Variants in TSPAN16 observed in about 807,000 individuals in gnomAD.
TSPAN16 encodes the protein tetraspanin 16.
In TSPAN16, 23 loss-of-function variants were observed where a neutral mutation model predicts 25.2. The observed-to-expected ratio is 0.91, with a 90% CI of 0.66 to 1.29. TSPAN16 has a LOEUF of 1.29. Ranked by LOEUF, TSPAN16 falls within the 50% of genes most tolerant of loss-of-function variation. TSPAN16 has a pLI of 0.00. For missense variants in TSPAN16, 272 were observed against 299.9 expected (o/e 0.91, Z 0.69); for synonymous variants, 123 against 124.4 (o/e 0.99, Z 0.08).
chr19:11,313,408 C>T (rs2080714018), intron 6 of TSPAN16, among the ~76,000 whole-genome samples: 1 of 151,314 alleles, frequency 6.6e-6, no homozygotes, highest in African/African-American at 2.4e-5. Context: ...GCTGAGATTA[C>T]AGCTGGGATT....
Position 11,308,033 on chromosome 19 carries a change from G to A in TSPAN16, c.603+1277G>A, listed in dbSNP as rs2080648784. The stretch of plus-strand genomic sequence containing the variant: ...AAGTGATCATCCTAGCGGGAGTGAG[G>A]GCCAGCCACGTGATGGAGCACTCAC... On this transcript the variant is annotated intron_variant, in intron 5 of 6. Coordinates refer to ENST00000590327, the MANE Select transcript of TSPAN16 (RefSeq NM_001282509.2). 2 of 152,136 alleles carry A rather than the reference G, an allele frequency of 1.3e-5. 1 individual carries two copies. Among genetic ancestry groups the A allele is most frequent in the South Asian group, 4.1e-4 (2 of 4,828 alleles). The allele number at this position is 152,136 out of a possible 1,614,324, so 9.4% of individuals were successfully genotyped here.
downstream of TSPAN16, among the ~76,000 whole-genome samples, chr19:11,317,807 A>C (rs1266333358): frequency 1.3e-5 from 2 of 149,170 alleles, no homozygotes; most frequent in African/African-American, 2.5e-5. Flanking sequence ...TGGGCGACAG[A>C]GCAATACACT....
intron 5 of TSPAN16, among the ~76,000 whole-genome samples, chr19:11,310,705 C>T (rs772986874): frequency 2.8e-4 from 43 of 151,994 alleles, no homozygotes; most frequent in African/African-American, 5.3e-4. Flanking sequence ...AATATGTGGA[C>T]GGAGAAGCCA....
Position 11,312,175 on chromosome 19 carries a change from C to T in TSPAN16, c.640C>T (p.Gln214Ter). The T allele has an allele frequency of 6.2e-7, 1 of 1,612,502 alleles. No individual in the cohort carries two copies. The highest frequency in any genetic ancestry group is 8.5e-7 in the Non-Finnish European group (1 of 1,179,658). ...TAAACTCCTAAAAATCACCAAGACT[C>T]AGAGCTTCACCCTGAGTGGGAGCTC... ...FHKLLKITKT[Q>*]SFTLSGSSLG... The change falls in exon 6 of 7, where the codon CAG becomes TAG. Residue 214 changes from glutamine (Q) to a stop codon, truncating the protein, a stop_gained. Coordinates refer to ENST00000590327, the MANE Select transcript of TSPAN16 (RefSeq NM_001282509.2). LOFTEE classifies it high-confidence loss of function.
chr19:11,304,647 C>T (rs1599335408), intron 4 of TSPAN16, among the ~76,000 whole-genome samples: 1 of 151,736 alleles, frequency 6.6e-6, no homozygotes, highest in East Asian at 1.9e-4. Context: ...GCCTCAGCCT[C>T]CTGAGTAGCT....
chr19:11,301,322 A>T lies in TSPAN16; in HGVS notation c.450+14A>T, dbSNP rs1022669597. ...GTCATGGAGAAGGTGAGGCTTACTT[A>T]AAAAAAAAAAATTGTGGTGTAAAGG... On this transcript the variant is annotated intron_variant, in intron 4 of 6. Coordinates refer to ENST00000590327, the MANE Select transcript of TSPAN16 (RefSeq NM_001282509.2). The T allele has an allele frequency of 1.6e-5, 13 of 787,906 alleles. No homozygotes were observed. The highest frequency in any genetic ancestry group is 2.1e-5 in the Non-Finnish European group (12 of 567,154). The allele number at this position is 787,906 out of a possible 1,614,324, so 48.8% of individuals were successfully genotyped here. A position where few individuals can be genotyped will look rare whatever the true frequency, so the allele number is the denominator to read the frequency against.
intron 4 of TSPAN16, among the ~76,000 whole-genome samples, chr19:11,306,128 C>T (rs2080623627): frequency 6.6e-6 from 1 of 152,068 alleles, no homozygotes; most frequent in African/African-American, 2.4e-5. Context: ...ATTAGCCAGG[C>T]GTGGGGGCGT....
intron 4 of TSPAN16, among the ~76,000 whole-genome samples, chr19:11,303,586 A>C (rs985109935): frequency 4.7e-5 from 7 of 147,720 alleles, no homozygotes; most frequent in African/African-American, 1.7e-4. Flanking sequence ...TTAAAAAAAA[A>C]AAAAAAAAAA....
chr19:11,299,092 C>T, intron 3 of TSPAN16, 146 bp downstream of exon 3: 1 of 761,230 alleles, frequency 1.3e-6, no homozygotes. Context: ...CCAGCCTGGC[C>T]AACATGGTGA....
chr19:11,325,120 C>T (rs2080803815), intron 6 of TSPAN16: 2 of 349,744 alleles, frequency 5.7e-6, no homozygotes, highest in East Asian at 1.1e-4. Context: ...ACCCTCAACA[C>T]ACCCTGGAAA....
intron 5 of TSPAN16, among the ~76,000 whole-genome samples, 175 bp from the exon 6 acceptor site, chr19:11,311,964 C>G (rs551252181): frequency 1.2e-3 from 178 of 152,068 alleles, no homozygotes; most frequent in Non-Finnish European, 2.1e-3. Context: ...GCTAGGGTGG[C>G]GGGGAGCGGG....
intron 6 of TSPAN16, chr19:11,326,707 G>T: frequency 1.5e-6 from 1 of 672,596 alleles, no homozygotes; most frequent in South Asian, 1.6e-5. Context: ...GGGCTCAAGC[G>T]ATCCTCCCGC....
At chr19:11,319,530 G>A (rs963541513), downstream of TSPAN16, among the ~76,000 whole-genome samples, 1 of 151,990 alleles carries the variant, frequency 6.6e-6, no homozygotes, top group Non-Finnish European at 1.5e-5. Flanking sequence ...ACCGGGAGGC[G>A]GAGCTTGCAG....
rs1568299025 is a variant in TSPAN16 at position 11,325,636 on chromosome 19, C to G, written c.688-1158C>G. 5 of 1,520,372 alleles carry G rather than the reference C, an allele frequency of 3.3e-6. No homozygotes were observed. In the African/African-American group the frequency reaches 4.1e-5, roughly 12 times the overall value. The allele number at this position is 1,520,372 out of a possible 1,614,324, so 94.2% of individuals were successfully genotyped here. On this transcript the variant is annotated intron_variant, in intron 6 of 6. Transcript: ENST00000316737. ...CTCGTAAGACCCCTGAGGGCAGAGTCTCAGCTGTGGCATCACAGAAACCTG... is the reference window on the plus strand; with the variant it reads ...CTCGTAAGACCCCTGAGGGCAGAGTGTCAGCTGTGGCATCACAGAAACCTG...
At chr19:11,320,711 G>T (rs1172146080), downstream of TSPAN16, among the ~76,000 whole-genome samples, 1 of 151,576 alleles carries the variant, frequency 6.6e-6, no homozygotes. Context: ...AAAGAAAAAA[G>T]AAATGCTGGG....
Position 11,304,759 on chromosome 19 carries a change from C to A in TSPAN16, c.451-1845C>A, listed in dbSNP as rs563624722. ...CAGGATGATCTTGATCTCCTGACCT[C>A]GTGATCTGTCCGCCTCGGCCTCCCA... On this transcript the variant is annotated intron_variant, in intron 4 of 6. Transcript: ENST00000590327. Among the ~76,000 whole-genome samples the A allele has an allele frequency of 3.9e-5, 6 of 151,996 alleles. No individual in the cohort carries two copies. The East Asian group carries it at 1.2e-3, about 29-fold the overall frequency.
chr19:11,300,490 A>C (rs1268707345), intron 3 of TSPAN16, among the ~76,000 whole-genome samples: 3 of 152,212 alleles, frequency 2.0e-5, no homozygotes, highest in Non-Finnish European at 4.4e-5. Context: ...CACAGAACTG[A>C]CAAGGGCCAC....
downstream of TSPAN16, among the ~76,000 whole-genome samples, chr19:11,319,403 GC>G (rs1360360059): frequency 3.3e-5 from 5 of 152,134 alleles, no homozygotes; most frequent in African/African-American, 4.8e-5. Context: ...TCTGAGACCA[GC>G]CTGGCCTATA....
chr19:11,298,395 T>A (rs868113036), intron 2 of TSPAN16, 56 bp downstream of exon 2: 1 of 1,549,814 alleles, frequency 6.5e-7, no homozygotes, highest in Middle Eastern at 2.2e-4. Flanking sequence ...CACAAATCTT[T>A]TATTGTGCGT....
Sources: allele counts gnomAD v4.1 joint callset (sites outside exome capture counted in the v4.1 genomes callset), GRCh38; gene constraint gnomAD v4.1.1; transcripts MANE v1.5; gene names NCBI Gene and HGNC (gene_info 2026-07-23, HGNC 2026-07-21).